Variants in MTMR7 observed in about 807,000 individuals in gnomAD.
MTMR7 encodes the protein myotubularin related protein 7.
A neutral mutation model predicts 81.2 loss-of-function variants in MTMR7; 76 were observed. That is an observed-to-expected ratio of 0.94 (90% confidence interval 0.78 to 1.13). The LOEUF is 1.13. Ranked by LOEUF, MTMR7 falls within the 50% of genes most tolerant of loss-of-function variation. The pLI is 0.00. For synonymous variants in MTMR7, 372 were observed against 289.8 expected (o/e 1.28, Z -2.88); for missense variants, 1,044 against 820.0 (o/e 1.27, Z -3.34).
In MTMR7 at chr8:17,314,071, G is replaced by T. The variant is rs562298254; in HGVS notation, c.866-670C>A. Among the ~76,000 whole-genome samples, 6 of 152,286 alleles carry T rather than the reference G, an allele frequency of 3.9e-5. No homozygotes were observed. In the East Asian group the frequency reaches 5.8e-4, roughly 15 times the overall value. ...ATCTATATTTACACAACTAAGGCAG[G>T]TGTATAAACACCTCTATAATATTAT... On this transcript the variant is annotated intron_variant, in intron 7 of 13. Coordinates refer to ENST00000180173, the MANE Select transcript of MTMR7 (RefSeq NM_004686.5).
At chr8:17,411,663 T>A (rs908059065) in intron 1 of MTMR7, among the ~76,000 whole-genome samples, 1 of 152,172 alleles carries the variant, frequency 6.6e-6, no homozygotes, top group African/African-American at 2.4e-5. Flanking sequence ...TCCAGATAAA[T>A]AAGGATTTCT....
Position 17,398,227 on chromosome 8 carries a change from A to G in MTMR7, c.24+15042T>C, listed in dbSNP as rs556061186. On this transcript the variant is annotated intron_variant, in intron 1 of 13. Transcript: ENST00000180173. ...AGGCACCAGGAAACAATCCTGGAGAAACAGAGGTATGTGACCCTTCAGACA... is the reference window on the plus strand; with the variant it reads ...AGGCACCAGGAAACAATCCTGGAGAGACAGAGGTATGTGACCCTTCAGACA... 7.2e-5 allele frequency among the ~76,000 whole-genome samples: 11 copies of G among 152,328 alleles called. No individual in the cohort carries two copies. The East Asian group carries it at 2.1e-3, about 29-fold the overall frequency.
At chr8:17,390,650 G>A (rs1821079193) in intron 1 of MTMR7, among the ~76,000 whole-genome samples, 1 of 151,596 alleles carries the variant, frequency 6.6e-6, no homozygotes, top group South Asian at 2.1e-4. Flanking sequence ...AAAGGAAAGA[G>A]GTTTAATTGA....
rs1357452401 is a variant in MTMR7 at position 17,299,595 on chromosome 8, T to C, written c.*267A>G. 4.8e-6 allele frequency: 2 copies of C among 419,630 alleles called. No homozygotes were observed. Among genetic ancestry groups the C allele is most frequent in the Non-Finnish European group, 8.6e-6 (2 of 231,944 alleles). The allele number at this position is 419,630 out of a possible 1,614,324, so 26.0% of individuals were successfully genotyped here. Reference sequence around the variant, plus strand: ...TCACTTCAGGTAATGACAGAAGTAATTGCTCTGCAGTGAATATAATTTTCA... The same window carrying C: ...TCACTTCAGGTAATGACAGAAGTAACTGCTCTGCAGTGAATATAATTTTCA... On this transcript the variant is annotated 3_prime_UTR_variant, in exon 14 of 14. Transcript: ENST00000180173.
chr8:17,349,653 A>C (rs765017298), intron 4 of MTMR7, among the ~76,000 whole-genome samples: 17 of 152,134 alleles, frequency 1.1e-4, no homozygotes, highest in Admixed American at 5.9e-4. Flanking sequence ...TCCTTCGGGA[A>C]GCTTCTTCCT....
chr8:17,399,675 T>G (rs951390282), intron 1 of MTMR7, among the ~76,000 whole-genome samples: 2 of 152,092 alleles, frequency 1.3e-5, no homozygotes, highest in Non-Finnish European at 2.9e-5. Flanking sequence ...CCAAATGTAT[T>G]CTGTGCAAAA....
At chr8:17,334,227 C>CA (rs1819151099) in intron 6 of MTMR7, among the ~76,000 whole-genome samples, 1 of 152,158 alleles carries the variant, frequency 6.6e-6, no homozygotes, top group African/African-American at 2.4e-5. Context: ...GATAATGTAG[C>CA]AAAAGCTGAA....
At chr8:17,344,653 G>C (rs1043903928) in intron 5 of MTMR7, among the ~76,000 whole-genome samples, 1 of 152,106 alleles carries the variant, frequency 6.6e-6, no homozygotes, top group Non-Finnish European at 1.5e-5. Flanking sequence ...TCCAGTACCA[G>C]TTGTGCTCTC....
rs1420077048 is a variant in MTMR7 at position 17,300,161 on chromosome 8, G to A, written c.1684C>T (p.Pro562Ser). ...GTAGAAAACCCTGAGTGCTTGCTGG[G>A]CTCACTTTGCTTACTCTTCACCTTA... ...CTKVKSKQSEPSKHSGFSTSD... is the reference protein window; with the variant it reads ...CTKVKSKQSESSKHSGFSTSD... The change falls in exon 14 of 14, where the codon CCC becomes TCC. Residue 562 changes from proline to serine, a missense_variant. Pro to Ser is a moderately conservative substitution (Grantham distance 74). Coordinates refer to ENST00000180173, the MANE Select transcript of MTMR7 (RefSeq NM_004686.5). 2 of 1,614,034 alleles carry A rather than the reference G, an allele frequency of 1.2e-6. No individual in the cohort carries two copies. The highest frequency in any genetic ancestry group is 8.5e-7 in the Non-Finnish European group (1 of 1,179,970).
intron 6 of MTMR7, among the ~76,000 whole-genome samples, chr8:17,334,858 A>C (rs1042558125): frequency 6.6e-6 from 1 of 152,206 alleles, no homozygotes; most frequent in African/African-American, 2.4e-5. Flanking sequence ...CGTTTTGTTT[A>C]AGAGAGAAAG....
intron 7 of MTMR7, among the ~76,000 whole-genome samples, chr8:17,315,549 CT>C (rs1172043866): frequency 6.6e-6 from 1 of 152,178 alleles, no homozygotes; most frequent in Non-Finnish European, 1.5e-5. Flanking sequence ...ATGCAGGTGG[CT>C]GTGCATGTGT....
chr8:17,362,644 CTCT>C (rs753886194), intron 3 of MTMR7, among the ~76,000 whole-genome samples: 5 of 152,182 alleles, frequency 3.3e-5, no homozygotes, highest in Admixed American at 6.5e-5. Flanking sequence ...AGATCCTTCT[CTCT>C]TCTTCTTCCT....
chr8:17,373,587 T>C (rs1331509847), intron 1 of MTMR7, among the ~76,000 whole-genome samples: 4 of 152,244 alleles, frequency 2.6e-5, no homozygotes, highest in African/African-American at 7.2e-5. Context: ...TATGTGTTAA[T>C]GTTCTGAGTT....
At chr8:17,320,783 C>A (rs1818347035) in intron 7 of MTMR7, among the ~76,000 whole-genome samples, 2 of 152,194 alleles carry the variant, frequency 1.3e-5, no homozygotes. Flanking sequence ...TGCACGCGGC[C>A]CTGAAACACG....
intron 3 of MTMR7, among the ~76,000 whole-genome samples, chr8:17,362,612 G>T (rs1820093070): frequency 1.3e-5 from 2 of 152,132 alleles, no homozygotes; most frequent in African/African-American, 4.8e-5. Context: ...GCTCCTAATT[G>T]TAACACACCC....
intron 11 of MTMR7, among the ~76,000 whole-genome samples, chr8:17,304,966 G>A (rs907419658): frequency 6.6e-6 from 1 of 152,096 alleles, no homozygotes; most frequent in Non-Finnish European, 1.5e-5. Context: ...TAGCTAGTAA[G>A]TGGAAAAGCC....
intron 6 of MTMR7, among the ~76,000 whole-genome samples, chr8:17,335,782 G>A (rs1286529618): frequency 8.5e-5 from 13 of 152,172 alleles, no homozygotes; most frequent in Admixed American, 8.5e-4. Context: ...GGACCTCTTG[G>A]GCAGATTTAA....
intron 1 of MTMR7, among the ~76,000 whole-genome samples, chr8:17,398,164 A>C (rs1161143411): frequency 6.6e-6 from 1 of 152,198 alleles, no homozygotes; most frequent in East Asian, 1.9e-4. Flanking sequence ...ACAAGCATCA[A>C]GACCATCCAG....
At chr8:17,408,156 C>T (rs1351750616) in intron 1 of MTMR7, among the ~76,000 whole-genome samples, 1 of 59,648 alleles carries the variant, frequency 1.7e-5, no homozygotes, top group African/African-American at 3.3e-5. Flanking sequence ...TTTGGGAGGC[C>T]GAGGCGGGCG....
Sources: gnomAD v4.1 joint callset for allele counts (sites outside exome capture counted in the v4.1 genomes callset) on GRCh38, gnomAD v4.1.1 for gene constraint, MANE v1.5 for transcripts, NCBI Gene and HGNC (gene_info 2026-07-23, HGNC 2026-07-21) for gene names.